Variants in STYXL1 observed in about 807,000 individuals in gnomAD.
STYXL1 encodes the protein serine/threonine/tyrosine interacting like 1, also known as serine/threonine/tyrosine-interacting-like protein 1.
Under a neutral mutation model 36.4 loss-of-function variants are expected in STYXL1, and 32 were observed. That is an observed-to-expected ratio of 0.88 (90% CI 0.66 to 1.18). The LOEUF (loss-of-function observed/expected upper bound fraction) is 1.18, where lower values mean the gene tolerates loss of function less well. Among genes scored for constraint, STYXL1 ranks in the 50% most tolerant of loss-of-function variants. The probability of loss-of-function intolerance (pLI) is 0.00; values close to 1 mark genes in which losing one functional copy is unlikely to be tolerated. For missense variants in STYXL1, 354 were observed against 394.1 expected, an observed-to-expected ratio of 0.90 and a Z score of 0.86; for synonymous variants, 133 against 144.1, an observed-to-expected ratio of 0.92 and a Z score of 0.55.
At chr7:76,006,430 A>C (rs149841374) in intron 5 of STYXL1, among the ~76,000 whole-genome samples, 52 of 152,178 alleles carry the variant, frequency 3.4e-4, no homozygotes, top group African/African-American at 1.3e-3. Context: ...ACACCTACTT[A>C]AATGGGAGCT....
intron 4 of STYXL1, among the ~76,000 whole-genome samples, chr7:76,015,835 A>G (rs1793231210): frequency 6.6e-6 from 1 of 152,214 alleles, no homozygotes; most frequent in African/African-American, 2.4e-5. Flanking sequence ...AGTGGGCACC[A>G]TCTAATCAGC....
intron 1 of STYXL1, among the ~76,000 whole-genome samples, chr7:76,041,373 G>A (rs893098774): frequency 3.9e-5 from 6 of 152,004 alleles, no homozygotes; most frequent in African/African-American, 1.5e-4. Flanking sequence ...GGGTGAGGAG[G>A]GTGTGTTATG....
chr7:76,013,737 C>T lies in STYXL1; in HGVS notation c.453+5G>A, dbSNP rs2115795565. ...GGCCTGCCTGTGCTCAGCATTTGGC[C>T]CTACCTGAGGCATCCAGATGATCTT... On this transcript the variant is annotated splice_donor_5th_base_variant and intron_variant, in intron 5 of 8. Coordinates refer to ENST00000359697, the MANE Select transcript of STYXL1 (RefSeq NM_001317785.2). 1 of 1,613,766 alleles carries T rather than the reference C, an allele frequency of 6.2e-7. No homozygotes were observed. The highest frequency in any genetic ancestry group is 1.1e-5 in the South Asian group (1 of 91,068).
At chr7:76,008,938 G>GT (rs1563473398) in intron 5 of STYXL1, among the ~76,000 whole-genome samples, 1 of 151,976 alleles carries the variant, frequency 6.6e-6, no homozygotes, top group Non-Finnish European at 1.5e-5. Context: ...GGAGGTGGAG[G>GT]TTGCAGTAAG....
At chr7:76,004,932 C>T (rs1166863269) in intron 6 of STYXL1, among the ~76,000 whole-genome samples, 12 of 152,030 alleles carry the variant, frequency 7.9e-5, no homozygotes, top group South Asian at 2.1e-4. Flanking sequence ...ACCCAGGAGG[C>T]GGAGCTTGCA....
chr7:76,034,207 ATCC>A (rs1341557461), intron 1 of STYXL1, among the ~76,000 whole-genome samples: 2 of 152,064 alleles, frequency 1.3e-5, no homozygotes, highest in African/African-American at 4.8e-5. Flanking sequence ...GGCTCAAGTG[ATCC>A]TCCTACCTCA....
At chr7:76,037,838 G>A (rs1554581070) in intron 1 of STYXL1, among the ~76,000 whole-genome samples, 1 of 149,886 alleles carries the variant, frequency 6.7e-6, no homozygotes, top group African/African-American at 2.4e-5. Context: ...CCAGGTAAGG[G>A]TCAGGGTCCA....
At chr7:76,022,310 A>G (rs1231277452) in intron 3 of STYXL1, among the ~76,000 whole-genome samples, 1 of 152,176 alleles carries the variant, frequency 6.6e-6, no homozygotes, top group Non-Finnish European at 1.5e-5. Flanking sequence ...ACCATGGTCA[A>G]TTGAATTAGT....
chr7:76,030,563 C>T lies in STYXL1; in HGVS notation c.-4-36G>A, dbSNP rs782196625. On this transcript the variant is annotated intron_variant, in intron 1 of 8. Transcript: ENST00000359697. ...TCAATAACACACAAGGGTAACATAA[C>T]TCTATTTTAGATGAATGACCACAAA... 10 of 1,324,840 alleles carry T rather than the reference C, an allele frequency of 7.5e-6. No individual in the cohort carries two copies. The Admixed American group carries it at 1.5e-4, about 20-fold the overall frequency. The allele number at this position is 1,324,840 out of a possible 1,614,324, so 82.1% of individuals were successfully genotyped here. A position where few individuals can be genotyped will look rare whatever the true frequency, so the allele number is the denominator to read the frequency against.
chr7:76,002,174 G>A (rs959211790), intron 7 of STYXL1, among the ~76,000 whole-genome samples: 15 of 152,104 alleles, frequency 9.9e-5, no homozygotes, highest in African/African-American at 2.2e-4. Context: ...TTGAGGCCAC[G>A]GTGTCCTCAT....
chr7:76,005,867 AAG>A (rs782139575), intron 5 of STYXL1, among the ~76,000 whole-genome samples: 1 of 31,198 alleles, frequency 3.2e-5, no homozygotes, highest in Non-Finnish European at 8.9e-5. Flanking sequence ...AGAGAGGAGG[AAG>A]AGAGAGGAGG....
intron 8 of STYXL1, 49 bp downstream of exon 8, chr7:76,000,841 A>G (rs561367296): frequency 6.4e-7 from 1 of 1,551,680 alleles, no homozygotes; most frequent in East Asian, 2.2e-5. Context: ...CTCTGACCTC[A>G]CCTCCCAGGG....
intron 4 of STYXL1, among the ~76,000 whole-genome samples, chr7:76,021,210 TAGCA>T (rs1794019927): frequency 1.3e-5 from 2 of 151,998 alleles, no homozygotes; most frequent in Admixed American, 6.6e-5. Context: ...CCCAAGTAGC[TAGCA>T]GGGACTACAG....
intron 5 of STYXL1, among the ~76,000 whole-genome samples, chr7:76,011,566 A>G (rs1792553922): frequency 6.6e-6 from 1 of 152,256 alleles, no homozygotes; most frequent in South Asian, 2.1e-4. Flanking sequence ...GATGTTGCTA[A>G]GGGCAGGAAG....
chr7:76,001,792 A>ATTTTTTT (rs71082373), intron 7 of STYXL1, among the ~76,000 whole-genome samples: 1 of 96,946 alleles, frequency 1.0e-5, no homozygotes, highest in Non-Finnish European at 1.9e-5. Flanking sequence ...ACTGCGCCTG[A>ATTTTTTT]TTTTTTTTTT....
rs782406219 is a variant in STYXL1, at chr7:76,003,805, G to A, written c.650C>T (p.Pro217Leu). 2.0e-5 allele frequency: 32 copies of A among 1,614,058 alleles called. No homozygotes were observed. In the Admixed American group the frequency reaches 2.7e-4, roughly 13 times the overall value. Residue 217 changes from proline to leucine, a missense_variant, in exon 7 of 9, where the codon CCG (proline) becomes CTG (leucine). By Grantham distance (98) the Pro-to-Leu change is moderately conservative. Transcript: ENST00000359697. ...KLLHIRIEDS[P>L]EAQILPFLRH... ...TAAGAAGGGAAGAATCTGGGCTTCC[G>A]GGGAATCTTCTATCCGGATGTGCAG... is the stretch of plus-strand genomic sequence containing the variant.
intron 1 of STYXL1, among the ~76,000 whole-genome samples, chr7:76,037,042 C>A (rs1179690327): frequency 2.0e-5 from 3 of 149,976 alleles, no homozygotes; most frequent in African/African-American, 2.4e-5. Flanking sequence ...CCTCGGCCTA[C>A]CAAAGTGCTA....
At chr7:76,041,503 C>T (rs921631816) in intron 1 of STYXL1, among the ~76,000 whole-genome samples, 5 of 152,134 alleles carry the variant, frequency 3.3e-5, no homozygotes, top group African/African-American at 9.7e-5. Context: ...AATGTCTTCT[C>T]CAGGGAATGG....
chr7:76,034,885 A>G (rs1307940714), intron 1 of STYXL1, among the ~76,000 whole-genome samples: 3 of 152,212 alleles, frequency 2.0e-5, no homozygotes, highest in African/African-American at 4.8e-5. Flanking sequence ...CCTGAATACC[A>G]CACACATACC....
Sources: gnomAD v4.1 joint callset for allele counts (sites outside exome capture counted in the v4.1 genomes callset) on GRCh38, gnomAD v4.1.1 for gene constraint, MANE v1.5 for transcripts, NCBI Gene and HGNC (gene_info 2026-07-23, HGNC 2026-07-21) for gene names.